The following KLHL20 variants were observed in gnomAD, a reference collection of about 807,000 sequenced individuals.
KLHL20 encodes kelch-like protein 20.
A neutral mutation model predicts 69.5 loss-of-function variants in KLHL20; 29 were observed. The observed-to-expected ratio is 0.42, with a 90% CI of 0.31 to 0.57. The LOEUF (loss-of-function observed/expected upper bound fraction) is 0.57. KLHL20 is among the 20% of genes least tolerant of loss of function. KLHL20 has a pLI of 0.18. For missense variants in KLHL20, 419 were observed against 776.0 expected (o/e 0.54, Z 5.47); for synonymous variants, 253 against 265.2 (o/e 0.95, Z 0.45).
At chr1:173,762,826 T>G (rs1024777191) in intron 7 of KLHL20, among the ~76,000 whole-genome samples, 1 of 152,138 alleles carries the variant, frequency 6.6e-6, no homozygotes, top group African/African-American at 2.4e-5. Flanking sequence ...AAGACAAGGA[T>G]GCCCACTCTC....
chr1:173,766,181 T>C lies in KLHL20; in HGVS notation c.1187T>C (p.Val396Ala). The change falls in exon 8 of 12, where the codon GTG (valine) becomes GCG (alanine). Residue 396 changes from valine (V) to alanine (A), a missense_variant. Physicochemically the swap from Val to Ala is moderately conservative, Grantham distance 64. Transcript: ENST00000209884. ...AAAACAAACCAGTGGAGCAGTGATG[T>C]GGCCCCTACAAGCACCTGCAGGACA... ...DPKTNQWSSD[V>A]APTSTCRTSV... 1 of 1,611,796 alleles carries C rather than the reference T, an allele frequency of 6.2e-7. No homozygotes were observed.
In KLHL20 at chr1:173,739,084, T is replaced by G. The variant is rs1672670578; in HGVS notation, c.597+4798T>G. 3.9e-5 allele frequency among the ~76,000 whole-genome samples: 6 copies of G among 152,188 alleles called. No individual in the cohort carries two copies. In the South Asian group the frequency reaches 1.2e-3, roughly 32 times the overall value. Reference sequence around the variant, plus strand: ...ATAGGATTGGTACCAAGTCTTGTTTTTTTTTGGAGATGGAGTCTTGCTCTG... The same window carrying G: ...ATAGGATTGGTACCAAGTCTTGTTTGTTTTTGGAGATGGAGTCTTGCTCTG... On this transcript the variant is annotated intron_variant, in intron 3 of 11. Coordinates refer to ENST00000209884, the MANE Select transcript of KLHL20 (RefSeq NM_014458.4).
chr1:173,766,502 C>G (rs1360792655), intron 8 of KLHL20, among the ~76,000 whole-genome samples: 2 of 150,372 alleles, frequency 1.3e-5, no homozygotes, highest in Non-Finnish European at 3.0e-5. Context: ...AAAAATTAGC[C>G]GGGCGTGGTG....
rs777231673 is a variant in KLHL20, at chr1:173,751,805, A to G, written c.639A>G (p.Gln213=). 4 of 1,613,996 alleles carry G rather than the reference A, an allele frequency of 2.5e-6. No individual in the cohort carries two copies. In the South Asian group the frequency reaches 3.3e-5, roughly 13 times the overall value. The change falls in exon 4 of 12, where the codon CAA becomes CAG. Residue 213 remains glutamine (Q), a synonymous_variant. Coordinates refer to ENST00000209884, the MANE Select transcript of KLHL20 (RefSeq NM_014458.4). Reference sequence around the variant, plus strand: ...AGTTCATGTTGCTTCCAGCCAATCAACTCATTGATATAATATCCAGTGATG... The same window carrying G: ...AGTTCATGTTGCTTCCAGCCAATCAGCTCATTGATATAATATCCAGTGATG... ...SEEFMLLPAN[Q]LIDIISSDEL... is the part of the protein sequence containing the mutation.
chr1:173,742,798 A>C (rs888507873), intron 3 of KLHL20, among the ~76,000 whole-genome samples: 4 of 151,462 alleles, frequency 2.6e-5, no homozygotes, highest in Non-Finnish European at 5.9e-5. Context: ...GCTGAAGTAA[A>C]AGTTATTAAT....
chr1:173,781,125 T>C (rs993924737), intron 10 of KLHL20, among the ~76,000 whole-genome samples: 2 of 152,032 alleles, frequency 1.3e-5, no homozygotes, highest in African/African-American at 2.4e-5. Context: ...GAAAAATGTA[T>C]GTTATCTTCA....
chr1:173,732,921 T>C (rs1672352826), intron 2 of KLHL20, among the ~76,000 whole-genome samples: 1 of 152,042 alleles, frequency 6.6e-6, no homozygotes, highest in Non-Finnish European at 1.5e-5. Context: ...CTCTTTGGAG[T>C]CCTGCTAAAT....
At chr1:173,723,372 G>T (rs909529309) in intron 2 of KLHL20, among the ~76,000 whole-genome samples, 1 of 152,172 alleles carries the variant, frequency 6.6e-6, no homozygotes, top group Non-Finnish European at 1.5e-5. Context: ...ATTGCCAAGC[G>T]TAAACAGTGA....
chr1:173,719,428 T>G (rs1335306963), intron 2 of KLHL20, among the ~76,000 whole-genome samples: 1 of 151,978 alleles, frequency 6.6e-6, no homozygotes, highest in Non-Finnish European at 1.5e-5. Context: ...CTGGCCAAGA[T>G]GGTGAAACCC....
At chr1:173,734,327 G>A in intron 3 of KLHL20, 41 bp downstream of exon 3, 1 of 1,537,408 alleles carries the variant, frequency 6.5e-7, no homozygotes, top group Non-Finnish European at 9.0e-7. Context: ...ATTTGTTGGA[G>A]AGCAATATGG....
intron 8 of KLHL20, among the ~76,000 whole-genome samples, chr1:173,771,293 C>T (rs549747806): frequency 1.3e-5 from 2 of 152,350 alleles, no homozygotes; most frequent in African/African-American, 4.8e-5. Flanking sequence ...AATCCCAGCA[C>T]TTTGGTAAGC....
chr1:173,767,208 G>A (rs192558517), intron 8 of KLHL20, among the ~76,000 whole-genome samples: 20 of 152,164 alleles, frequency 1.3e-4, no homozygotes, highest in South Asian at 2.1e-4. Context: ...TATCCATGCC[G>A]TCGAAAATGT....
intron 8 of KLHL20, among the ~76,000 whole-genome samples, chr1:173,767,978 T>C (rs898857571): frequency 6.6e-6 from 1 of 152,192 alleles, no homozygotes; most frequent in African/African-American, 2.4e-5. Flanking sequence ...GTACCTAACA[T>C]TGAAATGTTA....
rs753349192 is a variant in KLHL20 at position 173,733,667 on chromosome 1, T to G, written c.24-46T>G. On this transcript the variant is annotated intron_variant, in intron 2 of 11. Transcript: ENST00000209884. ...AAACATTTAAGGGGAGAAAAGAGCT[T>G]ATAATAATACTGCCATCTTCTCTCT... 2.9e-6 allele frequency: 4 copies of G among 1,379,696 alleles called. No homozygotes were observed. In the Admixed American group the frequency reaches 6.4e-5, roughly 22 times the overall value. 85.5% of individuals were successfully genotyped at this position (1,379,696 alleles called of 1,614,324 possible). A position where few individuals can be genotyped will look rare whatever the true frequency, so the allele number is the denominator to read the frequency against.
At chr1:173,766,884 CAT>C (rs1037566235) in intron 8 of KLHL20, among the ~76,000 whole-genome samples, 28 of 152,182 alleles carry the variant, frequency 1.8e-4, no homozygotes, top group African/African-American at 5.5e-4. Flanking sequence ...AGCTAACTAA[CAT>C]ATTATCTCAC....
intron 3 of KLHL20, among the ~76,000 whole-genome samples, chr1:173,739,059 A>T (rs185137046): frequency 6.6e-6 from 1 of 152,030 alleles, no homozygotes; most frequent in Admixed American, 6.5e-5. Context: ...AATAGTGTCC[A>T]TAGGATTGGT....
intron 7 of KLHL20, among the ~76,000 whole-genome samples, chr1:173,763,233 T>C (rs1466705594): frequency 1.3e-5 from 2 of 152,026 alleles, no homozygotes; most frequent in Non-Finnish European, 2.9e-5. Context: ...AAAGAAATCA[T>C]AGACACCACA....
rs557637073 is a variant in KLHL20 at position 173,741,639 on chromosome 1, C to T, written c.597+7353C>T. The T allele has an allele frequency of 4.8e-4, 237 of 490,952 alleles. 2 individuals are homozygous for T. Among genetic ancestry groups the T allele is most frequent in the Admixed American group, 2.7e-3 (63 of 23,770 alleles). 30.4% of individuals were successfully genotyped at this position (490,952 alleles called of 1,614,324 possible). A position where few individuals can be genotyped will look rare whatever the true frequency, so the allele number is the denominator to read the frequency against. On this transcript the variant is annotated intron_variant, in intron 3 of 11. Coordinates refer to ENST00000209884, the MANE Select transcript of KLHL20 (RefSeq NM_014458.4). ...AAGCTGGGGAAAAATATCTGTAAAT[C>T]GTCCTTTCTGGTGGTGATGACCTTC...
At chr1:173,726,287 GC>G (rs1325268975) in intron 2 of KLHL20, among the ~76,000 whole-genome samples, 1 of 151,966 alleles carries the variant, frequency 6.6e-6, no homozygotes, top group Non-Finnish European at 1.5e-5. Flanking sequence ...GTTCAAGGAG[GC>G]CTGCCTGCCT....
Sources: allele counts gnomAD v4.1 joint callset (sites outside exome capture counted in the v4.1 genomes callset), GRCh38; gene constraint gnomAD v4.1.1; transcripts MANE v1.5; gene names NCBI Gene and HGNC (gene_info 2026-07-23, HGNC 2026-07-21).